The following ZFHX4 variants were observed in gnomAD, a reference collection of about 807,000 sequenced individuals.
The protein encoded by ZFHX4 is zinc finger homeobox protein 4.
A neutral mutation model predicts 267.6 loss-of-function variants in ZFHX4; 56 were observed. The observed-to-expected ratio is 0.21, with a 90% CI of 0.17 to 0.26. ZFHX4 has a LOEUF of 0.26. Among genes scored for constraint, ZFHX4 ranks in the 10% least tolerant of loss-of-function variants. ZFHX4 has a pLI of 1.00. For synonymous variants in ZFHX4, 1,778 were observed against 1,665.6 expected (o/e 1.07, Z -1.64); for missense variants, 4,332 against 4,420.0 (o/e 0.98, Z 0.56).
chr8:76,716,602 C>T (rs1203076573), intron 3 of ZFHX4, among the ~76,000 whole-genome samples: 2 of 152,054 alleles, frequency 1.3e-5, no homozygotes, highest in African/African-American at 4.8e-5. Context: ...ATAGGAAGAG[C>T]AGGTTATGGG....
chr8:76,839,252 A>G (rs1383587977), intron 5 of ZFHX4, among the ~76,000 whole-genome samples: 1 of 152,210 alleles, frequency 6.6e-6, no homozygotes, highest in Non-Finnish European at 1.5e-5. Context: ...ACTCTAAGCT[A>G]GTCATTCAAA....
In ZFHX4 at chr8:76,846,875, G is replaced by T. The variant is rs114866390; in HGVS notation, c.3512-2120G>T. The stretch of plus-strand genomic sequence containing the variant: ...AGGGCCTGCAAGCAACTAAGTCATG[G>T]AAATTCTCTTTTAACTTGTGTGTGA... On this transcript the variant is annotated intron_variant, in intron 6 of 10. Transcript: ENST00000651372. Among the ~76,000 whole-genome samples the T allele has an allele frequency of 5.2e-3, 794 of 152,208 alleles. 7 individuals carry two copies. The highest frequency in any genetic ancestry group is 0.018 in the African/African-American group (762 of 41,546).
chr8:76,786,467 A>G (rs892901491), intron 4 of ZFHX4, among the ~76,000 whole-genome samples: 12 of 151,734 alleles, frequency 7.9e-5, no homozygotes, highest in African/African-American at 2.2e-4. Flanking sequence ...ACATAGTTCA[A>G]TGGAAATTAG....
intron 4 of ZFHX4, among the ~76,000 whole-genome samples, chr8:76,793,381 A>T (rs966327200): frequency 6.6e-6 from 1 of 152,202 alleles, no homozygotes; most frequent in Non-Finnish European, 1.5e-5. Flanking sequence ...ATTTTTAAGC[A>T]GATTTTTCAA....
chr8:76,735,808 A>G (rs1809144229), intron 3 of ZFHX4, among the ~76,000 whole-genome samples: 1 of 152,226 alleles, frequency 6.6e-6, no homozygotes, highest in African/African-American at 2.4e-5. Flanking sequence ...TCACCATAAT[A>G]TAAATATGCT....
chr8:76,850,175 CAA>C lies in ZFHX4; in HGVS notation c.3847-67_3847-66del, dbSNP rs1812473541. ...AAATGTAAGTGGGATATGCTACCAG[CAA>C]AAGAGAGATGTGATGGAATTTGTGA... On this transcript the variant is annotated intron_variant, in intron 8 of 10. Transcript: ENST00000651372. The C allele has an allele frequency of 3.2e-6, 4 of 1,261,574 alleles. No homozygotes were observed. The South Asian group carries it at 5.4e-5, about 17-fold the overall frequency. The allele number at this position is 1,261,574 out of a possible 1,614,324, so 78.1% of individuals were successfully genotyped here.
intron 3 of ZFHX4, among the ~76,000 whole-genome samples, chr8:76,766,456 ATG>A (rs1484164802): frequency 6.6e-6 from 1 of 152,156 alleles, no homozygotes; most frequent in Non-Finnish European, 1.5e-5. Flanking sequence ...TTTATCTCAC[ATG>A]TAACTTAAAT....
chr8:76,687,567 A>G (rs1481213930), intron 1 of ZFHX4, among the ~76,000 whole-genome samples: 1 of 152,194 alleles, frequency 6.6e-6, no homozygotes, highest in Non-Finnish European at 1.5e-5. Context: ...CTGTCACAGA[A>G]AAGAGTTTCT....
rs527520302 is a variant in ZFHX4 at position 76,705,180 on chromosome 8, G to A, written c.1092G>A (p.Trp364Ter). ...IGPDPTFRGL[W>*]SAFHVENGDS... Reference sequence around the variant, plus strand: ...CCGATCCAACCTTCCGCGGTTTATGGAGCGCTTTTCATGTTGAAAATGGTG... The same window carrying A: ...CCGATCCAACCTTCCGCGGTTTATGAAGCGCTTTTCATGTTGAAAATGGTG... Residue 364 changes from tryptophan to a stop codon, truncating the protein, a stop_gained, in exon 2 of 11, where the codon TGG becomes TGA. Coordinates refer to ENST00000651372, the MANE Select transcript of ZFHX4 (RefSeq NM_024721.5). LOFTEE classifies it high-confidence loss of function. 1 of 1,613,862 alleles carries A rather than the reference G, an allele frequency of 6.2e-7. No individual in the cohort carries two copies.
chr8:76,709,539 T>C (rs1203845848), intron 3 of ZFHX4, among the ~76,000 whole-genome samples: 1 of 152,142 alleles, frequency 6.6e-6, no homozygotes, highest in African/African-American at 2.4e-5. Flanking sequence ...AAAACAAACA[T>C]TAAGTTTGTA....
intron 6 of ZFHX4, among the ~76,000 whole-genome samples, chr8:76,847,694 G>A (rs1006313558): frequency 8.6e-5 from 13 of 151,882 alleles, no homozygotes; most frequent in African/African-American, 3.1e-4. Flanking sequence ...TTACTTATAA[G>A]GTATAAAACA....
At chr8:76,857,742 AT>A (rs1408259207) in intron 10 of ZFHX4, among the ~76,000 whole-genome samples, 1 of 151,976 alleles carries the variant, frequency 6.6e-6, no homozygotes, top group African/African-American at 2.4e-5. Context: ...TATCTAGACA[AT>A]TTTGGAGTCT....
At position 76,854,269 on chromosome 8, in the gene ZFHX4, C is replaced by A; in HGVS notation, c.7348C>A (p.Pro2450Thr). 6.3e-7 allele frequency: 1 copy of A among 1,585,386 alleles called. No homozygotes were observed. Among genetic ancestry groups the A allele is most frequent in the Non-Finnish European group, 8.6e-7 (1 of 1,165,748 alleles). The part of the protein sequence containing the change: ...QASTAQPQPQ[P>T]QPPKQPQLIG... ...ATCCACAGCCCAGCCACAGCCACAG[C>A]CACAGCCACCAAAACAACCCCAACT... The change falls in exon 10 of 11, where the codon CCA (proline) becomes ACA (threonine). Residue 2450 changes from proline (P) to threonine (T), a missense_variant. This residue lies in a region of ZFHX4 where 1,648 missense variants were observed against 1,625.0 expected (regional missense o/e 1.01). Coordinates refer to ENST00000651372, the MANE Select transcript of ZFHX4 (RefSeq NM_024721.5).
intron 3 of ZFHX4, among the ~76,000 whole-genome samples, chr8:76,728,426 G>A (rs1403281893): frequency 1.3e-5 from 2 of 152,156 alleles, no homozygotes; most frequent in Admixed American, 6.6e-5. Flanking sequence ...AAATTCCATA[G>A]GTTTGAGTTT....
At chr8:76,719,892 G>A (rs1247516049) in intron 3 of ZFHX4, among the ~76,000 whole-genome samples, 2 of 152,106 alleles carry the variant, frequency 1.3e-5, no homozygotes, top group Non-Finnish European at 2.9e-5. Flanking sequence ...CATTAGAAAG[G>A]GAAAGGACTA....
chr8:76,689,560 C>T (rs1290711574), intron 1 of ZFHX4, among the ~76,000 whole-genome samples: 3 of 152,164 alleles, frequency 2.0e-5, no homozygotes, highest in Admixed American at 2.0e-4. Context: ...TGGCTAAAGA[C>T]GAAATGGGCT....
At chr8:76,788,552 A>G (rs1418274430) in intron 4 of ZFHX4, among the ~76,000 whole-genome samples, 1 of 152,206 alleles carries the variant, frequency 6.6e-6, no homozygotes, top group Non-Finnish European at 1.5e-5. Flanking sequence ...CTTACAGTAG[A>G]GATTCTGGTG....
At position 76,853,203 on chromosome 8, in the gene ZFHX4, G is replaced by A; in HGVS notation, c.6282G>A (p.Gln2094=). 1 of 1,559,658 alleles carries A rather than the reference G, an allele frequency of 6.4e-7. No individual in the cohort carries two copies. The change falls in exon 10 of 11, where the codon CAG becomes CAA. Residue 2094 remains glutamine (Q), a synonymous_variant. Coordinates refer to ENST00000651372, the MANE Select transcript of ZFHX4 (RefSeq NM_024721.5). ...QPVQHPALPP[Q]LALQLPQMDA... is the part of the protein sequence containing the mutation. The stretch of plus-strand genomic sequence containing the variant: ...TGCAACACCCTGCGCTTCCTCCCCA[G>A]CTTGCCCTGCAGCTGCCACAGATGG...
At position 76,706,182 on chromosome 8, in the gene ZFHX4, C is replaced by T. The variant is rs755122308; in HGVS notation, c.2094C>T (p.Pro698=). ...AGAGTTACACGTGTGGCTATAAACC[C>T]TTCCGTTGTGAGGTTTGTAACTACT... is the stretch of plus-strand genomic sequence containing the variant. ...RGESYTCGYK[P]FRCEVCNYST... The change falls in exon 2 of 11, where the codon CCC becomes CCT. Residue 698 remains proline (P), a synonymous_variant. Transcript: ENST00000651372. The T allele has an allele frequency of 1.2e-6, 2 of 1,614,090 alleles. No individual in the cohort carries two copies. The highest frequency in any genetic ancestry group is 3.3e-5 in the Admixed American group (2 of 60,020).
Sources: gnomAD v4.1 joint callset for allele counts (sites outside exome capture counted in the v4.1 genomes callset) on GRCh38, gnomAD v4.1.1 for gene constraint, gnomAD v4.1.1 regional missense constraint, MANE v1.5 for transcripts, NCBI Gene and HGNC (gene_info 2026-07-23, HGNC 2026-07-21) for gene names.